CPED1: variants seen among roughly 807,000 people sequenced by gnomAD.
CPED1 encodes the protein cadherin-like and PC-esterase domain-containing protein 1.
A neutral mutation model predicts 128.2 loss-of-function variants in CPED1; 114 were observed. The observed-to-expected ratio is 0.89, with a 90% CI of 0.76 to 1.04. The LOEUF (loss-of-function observed/expected upper bound fraction) is 1.04, where lower values mean the gene tolerates loss of function less well. Ranked by LOEUF, CPED1 falls within the 50% of genes least tolerant of loss-of-function variation. The pLI is 0.00. For synonymous variants in CPED1, 462 were observed against 426.7 expected, an observed-to-expected ratio of 1.08 and a Z score of -1.02; for missense variants, 1,211 against 1,207.1, an observed-to-expected ratio of 1.00 and a Z score of -0.05.
intron 3 of CPED1, among the ~76,000 whole-genome samples, chr7:121,029,790 T>C (rs1792683679): frequency 1.3e-5 from 2 of 152,224 alleles, no homozygotes; most frequent in Non-Finnish European, 2.9e-5. Flanking sequence ...TTATCTTGTC[T>C]TGTCACATTG....
In CPED1 at chr7:121,190,935, C is replaced by T. The variant is rs185648854; in HGVS notation, c.2056-45779C>T. Among the ~76,000 whole-genome samples, 14 of 152,204 alleles carry T rather than the reference C, an allele frequency of 9.2e-5. No homozygotes were observed. The East Asian group carries it at 1.5e-3, about 17-fold the overall frequency. On this transcript the variant is annotated intron_variant, in intron 16 of 22. Transcript: ENST00000310396. ...AAGTTACAAATTATTTTACAAAAGT[C>T]GCACGCATACAAATCAGATTTTCCC...
intron 4 of CPED1, among the ~76,000 whole-genome samples, chr7:121,053,359 T>G (rs1459356658): frequency 6.6e-6 from 1 of 152,122 alleles, no homozygotes; most frequent in Non-Finnish European, 1.5e-5. Flanking sequence ...AGAGTACTGG[T>G]CAGGTGTTTT....
At chr7:121,250,613 C>A (rs1474314967) in intron 18 of CPED1, among the ~76,000 whole-genome samples, 1 of 152,116 alleles carries the variant, frequency 6.6e-6, no homozygotes, top group East Asian at 1.9e-4. Context: ...CAAATAGATG[C>A]AATAAAAAAT....
chr7:121,165,457 T>C (rs557251905), intron 16 of CPED1, among the ~76,000 whole-genome samples: 47 of 152,344 alleles, frequency 3.1e-4, no homozygotes, highest in Admixed American at 5.2e-4. Context: ...CACAATTTTG[T>C]ATGAGTAGCT....
chr7:121,231,633 T>C (rs1798142708), intron 16 of CPED1, among the ~76,000 whole-genome samples: 1 of 151,998 alleles, frequency 6.6e-6, no homozygotes, highest in Non-Finnish European at 1.5e-5. Context: ...ATAGATTGGA[T>C]TGTTCCAGGA....
chr7:121,259,516 A>G (rs1172095723), intron 18 of CPED1, among the ~76,000 whole-genome samples: 2 of 152,096 alleles, frequency 1.3e-5, no homozygotes, highest in African/African-American at 4.8e-5. Flanking sequence ...AGGAAAATCA[A>G]TTGAAAAAAA....
At chr7:121,265,618 CATT>C (rs1792106816) in intron 18 of CPED1, among the ~76,000 whole-genome samples, 1 of 152,024 alleles carries the variant, frequency 6.6e-6, no homozygotes, top group African/African-American at 2.4e-5. Context: ...AGTAGGAGAG[CATT>C]ACACTAGTGC....
At chr7:121,188,538 A>T (rs1278433283) in intron 16 of CPED1, among the ~76,000 whole-genome samples, 2 of 152,190 alleles carry the variant, frequency 1.3e-5, no homozygotes, top group African/African-American at 2.4e-5. Flanking sequence ...ATTAAAAATA[A>T]ATACATTTGT....
Position 120,989,697 on chromosome 7 carries a change from A to G in CPED1, c.76A>G (p.Ile26Val), listed in dbSNP as rs1042797422. Reference protein sequence around the residue: ...RPFLVGLVVAICLFYQTLTLR... With the variant: ...RPFLVGLVVAVCLFYQTLTLR... ...CTTCTTGGTGGGCTTAGTGGTGGCA[A>G]TCTGTCTCTTCTACCAGACTCTGAC... Residue 26 changes from isoleucine (I) to valine (V), a missense_variant, in exon 2 of 23, where the codon ATC becomes GTC. Ile to Val is a conservative substitution (Grantham distance 29, BLOSUM62 3). Transcript: ENST00000310396. 1 of 1,613,816 alleles carries G rather than the reference A, an allele frequency of 6.2e-7. No individual in the cohort carries two copies. The highest frequency in any genetic ancestry group is 8.5e-7 in the Non-Finnish European group (1 of 1,179,942).
chr7:121,057,030 T>G (rs1249145638), intron 4 of CPED1, among the ~76,000 whole-genome samples: 1 of 152,022 alleles, frequency 6.6e-6, no homozygotes, highest in Non-Finnish European at 1.5e-5. Flanking sequence ...TAGGCTGGAG[T>G]GCAATGGCGC....
At chr7:121,271,759 A>T (rs1792233967) in intron 22 of CPED1, among the ~76,000 whole-genome samples, 1 of 152,098 alleles carries the variant, frequency 6.6e-6, no homozygotes, top group Non-Finnish European at 1.5e-5. Flanking sequence ...ATCCAAAAAA[A>T]AGGTGGCAAA....
chr7:121,028,654 C>T (rs562988117), intron 3 of CPED1, among the ~76,000 whole-genome samples: 1 of 152,230 alleles, frequency 6.6e-6, no homozygotes, highest in South Asian at 2.1e-4. Flanking sequence ...TAATTATAGG[C>T]CCCAAACAGA....
intron 7 of CPED1, among the ~76,000 whole-genome samples, chr7:121,117,368 T>C (rs1795277149): frequency 6.6e-6 from 1 of 152,030 alleles, no homozygotes; most frequent in Non-Finnish European, 1.5e-5. Flanking sequence ...CCCAAAGTGC[T>C]GGGATTACAG....
chr7:121,017,819 C>T (rs773985942), intron 3 of CPED1, among the ~76,000 whole-genome samples: 2 of 152,184 alleles, frequency 1.3e-5, no homozygotes, highest in East Asian at 3.8e-4. Flanking sequence ...AGTGCAAAAA[C>T]AGCCTGAAGG....
intron 22 of CPED1, among the ~76,000 whole-genome samples, chr7:121,278,671 G>C (rs979278396): frequency 6.6e-6 from 1 of 152,140 alleles, no homozygotes; most frequent in Non-Finnish European, 1.5e-5. Flanking sequence ...TCAGTGCCCA[G>C]TGAGAATAAA....
chr7:121,216,464 C>T (rs1051706833), intron 16 of CPED1, among the ~76,000 whole-genome samples: 1 of 151,870 alleles, frequency 6.6e-6, no homozygotes, highest in African/African-American at 2.4e-5. Context: ...ATTGAGTTGC[C>T]ATGTGTCCAG....
At position 121,062,212 on chromosome 7, in the gene CPED1, C is replaced by A. The variant is rs377275901; in HGVS notation, c.541-2026C>A. Reference sequence around the variant, plus strand: ...TAATGCTACTTACCCAGTGCTGATTCTCTTTCTGAATCATATTGTTAAGGA... The same window carrying A: ...TAATGCTACTTACCCAGTGCTGATTATCTTTCTGAATCATATTGTTAAGGA... On this transcript the variant is annotated intron_variant, in intron 4 of 22. Coordinates refer to ENST00000310396, the MANE Select transcript of CPED1 (RefSeq NM_024913.5). Among the ~76,000 whole-genome samples the A allele has an allele frequency of 9.8e-5, 15 of 152,308 alleles. No individual in the cohort carries two copies. The East Asian group carries it at 1.9e-3, about 20-fold the overall frequency.
intron 2 of CPED1, among the ~76,000 whole-genome samples, chr7:120,999,914 T>C (rs1791791802): frequency 6.6e-6 from 1 of 152,198 alleles, no homozygotes; most frequent in Admixed American, 6.5e-5. Flanking sequence ...ATGTCATATG[T>C]ATCAAAGAAT....
intron 5 of CPED1, among the ~76,000 whole-genome samples, chr7:121,068,124 T>C (rs1055486974): frequency 5.9e-5 from 9 of 152,234 alleles, no homozygotes; most frequent in Non-Finnish European, 1.3e-4. Context: ...TTTAATTAGA[T>C]CCCATTTGTC....
Sources: allele counts gnomAD v4.1 joint callset (sites outside exome capture counted in the v4.1 genomes callset), GRCh38; gene constraint gnomAD v4.1.1; transcripts MANE v1.5; gene names NCBI Gene and HGNC (gene_info 2026-07-23, HGNC 2026-07-21).